DOCK4: variants seen among roughly 807,000 people sequenced by gnomAD.
DOCK4 encodes dedicator of cytokinesis 4.
A neutral mutation model predicts 268.1 loss-of-function variants in DOCK4; 97 were observed. That is an observed-to-expected ratio of 0.36 (90% CI 0.31 to 0.43). The LOEUF (loss-of-function observed/expected upper bound fraction) is 0.43, where lower values mean the gene tolerates loss of function less well. DOCK4 is among the 20% of genes least tolerant of loss of function. DOCK4 has a pLI of 1.00. For synonymous variants in DOCK4, 954 were observed against 887.2 expected, an observed-to-expected ratio of 1.08 and a Z score of -1.34; for missense variants, 2,145 against 2,455.7, an observed-to-expected ratio of 0.87 and a Z score of 2.67.
At chr7:111,854,076 GCAGTC>G (rs754061231) in intron 23 of DOCK4, among the ~76,000 whole-genome samples, 6 of 151,952 alleles carry the variant, frequency 3.9e-5, no homozygotes, top group Non-Finnish European at 7.4e-5. Flanking sequence ...GGCTTCAGGT[GCAGTC>G]CACTGCACCT....
intron 2 of DOCK4, among the ~76,000 whole-genome samples, chr7:112,001,327 A>C (rs1800405343): frequency 1.3e-5 from 2 of 152,192 alleles, no homozygotes; most frequent in African/African-American, 4.8e-5. Flanking sequence ...TCTAAGTAGC[A>C]TGATGAAATC....
At chr7:112,138,629 A>T (rs1814592096) in intron 1 of DOCK4, among the ~76,000 whole-genome samples, 1 of 152,170 alleles carries the variant, frequency 6.6e-6, no homozygotes, top group Non-Finnish European at 1.5e-5. Context: ...ACACCTGCCC[A>T]TACCCAACTC....
At chr7:111,792,107 T>C (rs1162622392) in intron 30 of DOCK4, among the ~76,000 whole-genome samples, 1 of 152,254 alleles carries the variant, frequency 6.6e-6, no homozygotes, top group Non-Finnish European at 1.5e-5. Flanking sequence ...TCTATTATGC[T>C]GGTGAGTGTT....
chr7:111,971,534 C>G (rs1369734990), intron 8 of DOCK4: 1 of 192,392 alleles, frequency 5.2e-6, no homozygotes, highest in African/African-American at 2.4e-5. Context: ...TCAATGGGAT[C>G]CATGTCATGT....
intron 1 of DOCK4, among the ~76,000 whole-genome samples, chr7:112,060,673 A>G (rs1806310138): frequency 6.6e-6 from 1 of 152,222 alleles, no homozygotes; most frequent in African/African-American, 2.4e-5. Context: ...ATGCTACAAC[A>G]TGGATGAACC....
chr7:111,736,549 C>T (rs188568321), intron 50 of DOCK4, among the ~76,000 whole-genome samples: 6 of 151,950 alleles, frequency 3.9e-5, no homozygotes, highest in African/African-American at 1.2e-4. Context: ...GTAAGGGAGA[C>T]GAAGGATGGG....
At chr7:111,906,390 G>A (rs894592328) in intron 13 of DOCK4, among the ~76,000 whole-genome samples, 1 of 152,146 alleles carries the variant, frequency 6.6e-6, no homozygotes, top group Non-Finnish European at 1.5e-5. Flanking sequence ...GTTCCAAGCA[G>A]AAAGGGAAAT....
intron 22 of DOCK4, among the ~76,000 whole-genome samples, chr7:111,864,639 C>T (rs1044429395): frequency 5.9e-5 from 9 of 152,092 alleles, no homozygotes; most frequent in South Asian, 2.1e-4. Context: ...TTGATGCCAG[C>T]GCCATCAAAA....
At chr7:112,069,696 A>G (rs1348124553) in intron 1 of DOCK4, among the ~76,000 whole-genome samples, 1 of 152,196 alleles carries the variant, frequency 6.6e-6, no homozygotes, top group Non-Finnish European at 1.5e-5. Context: ...TGACAAGAGC[A>G]TGGACTGGTA....
intron 11 of DOCK4, among the ~76,000 whole-genome samples, chr7:111,938,076 C>T (rs1794884913): frequency 6.6e-6 from 1 of 152,184 alleles, no homozygotes; most frequent in Admixed American, 6.5e-5. Context: ...AGCTTAACCA[C>T]TGAAATTGAG....
At chr7:112,156,309 G>C (rs1816607016) in intron 1 of DOCK4, among the ~76,000 whole-genome samples, 1 of 152,112 alleles carries the variant, frequency 6.6e-6, no homozygotes, top group Non-Finnish European at 1.5e-5. Flanking sequence ...TTAGAACTTA[G>C]CGGCCAATTA....
At chr7:111,797,771 A>T (rs1800002810) in intron 30 of DOCK4, among the ~76,000 whole-genome samples, 1 of 152,198 alleles carries the variant, frequency 6.6e-6, no homozygotes, top group Non-Finnish European at 1.5e-5. Context: ...AGACCAAAAG[A>T]CAGATAAGAA....
chr7:111,739,256 G>A lies in DOCK4; in HGVS notation c.5123-13C>T, dbSNP rs1554577300. 6 of 1,609,890 alleles carry A rather than the reference G, an allele frequency of 3.7e-6. No homozygotes were observed. The East Asian group carries it at 6.7e-5, about 18-fold the overall frequency. ...AACAAAGGAGAAGCTGGGAAGAGAA[G>A]GAGAGAGAGGATCATCAGCATGGTA... On this transcript the variant is annotated splice_polypyrimidine_tract_variant and intron_variant, in intron 48 of 52. Transcript: ENST00000428084.
intron 1 of DOCK4, 91 bp downstream of exon 1, chr7:112,206,011 G>C (rs553251629): frequency 1.1e-5 from 15 of 1,424,178 alleles, no homozygotes; most frequent in African/African-American, 1.4e-5. Context: ...ATTTTCAACC[G>C]GGCGGAGCGA....
chr7:111,933,279 CAT>C lies in DOCK4; in HGVS notation c.1066+2259_1066+2260del, dbSNP rs1174523261. Among the ~76,000 whole-genome samples, 319 of 91,216 alleles carry C rather than the reference CAT, an allele frequency of 3.5e-3. 25 individuals carry two copies. The highest frequency in any genetic ancestry group is 0.011 in the African/African-American group (207 of 19,440). 59.8% of individuals were successfully genotyped at this position (91,216 alleles called of 152,430 possible). ...ATACTTATATATATATACATATATACATATATATATATATATATATTTTTTTT... is the reference window on the plus strand; with the variant it reads ...ATACTTATATATATATACATATATACATATATATATATATATATTTTTTTT... On this transcript the variant is annotated intron_variant, in intron 12 of 52. Coordinates refer to ENST00000428084, the MANE Select transcript of DOCK4 (RefSeq NM_001363540.2).
intron 16 of DOCK4, among the ~76,000 whole-genome samples, chr7:111,891,300 G>T (rs1188906325): frequency 6.6e-6 from 1 of 152,054 alleles, no homozygotes; most frequent in Non-Finnish European, 1.5e-5. Flanking sequence ...AAGCATCTCT[G>T]TATGCACATA....
At chr7:112,012,301 A>T (rs1562990791) in intron 1 of DOCK4, among the ~76,000 whole-genome samples, 1 of 152,128 alleles carries the variant, frequency 6.6e-6, no homozygotes. Context: ...AAGAACCTCA[A>T]GAGGAAAAAA....
intron 15 of DOCK4, among the ~76,000 whole-genome samples, chr7:111,896,485 AG>A (rs201071075): frequency 0.013 from 1,810 of 143,884 alleles, 63 homozygotes; most frequent in African/African-American, 0.042. Context: ...CTTTCCACCA[AG>A]GTTTTTTTTT....
At chr7:111,868,660 A>G (rs970114667) in intron 21 of DOCK4, among the ~76,000 whole-genome samples, 1 of 152,066 alleles carries the variant, frequency 6.6e-6, no homozygotes, top group Non-Finnish European at 1.5e-5. Flanking sequence ...CAGTGAGCAG[A>G]GAATGCACCA....
Sources: allele counts gnomAD v4.1 joint callset (sites outside exome capture counted in the v4.1 genomes callset), GRCh38; gene constraint gnomAD v4.1.1; transcripts MANE v1.5; gene names NCBI Gene and HGNC (gene_info 2026-07-23, HGNC 2026-07-21).